ANK3: variants seen among roughly 807,000 people sequenced by gnomAD.
ANK3 encodes ankyrin 3.
A neutral mutation model predicts 370.9 loss-of-function variants in ANK3; 57 were observed. The observed-to-expected ratio is 0.15, with a 90% confidence interval of 0.12 to 0.19. ANK3 has a LOEUF of 0.19. Among genes scored for constraint, ANK3 ranks in the 10% least tolerant of loss-of-function variants. The pLI is 1.00. For missense variants in ANK3, 4,439 were observed against 5,302.1 expected (o/e 0.84, Z 5.06); for synonymous variants, 1,929 against 1,946.3 (o/e 0.99, Z 0.23).
chr10:60,644,906 G>T lies in ANK3; in HGVS notation c.58-29682C>A, dbSNP rs1203951188. Among the ~76,000 whole-genome samples, 4 of 42,316 alleles carry T rather than the reference G, an allele frequency of 9.5e-5. No individual in the cohort carries two copies. In the Middle Eastern group the frequency reaches 0.037, roughly 397 times the overall value. The allele number at this position is 42,316 out of a possible 152,430, so 27.8% of individuals were successfully genotyped here. A position where few individuals can be genotyped will look rare whatever the true frequency, so the allele number is the denominator to read the frequency against. On this transcript the variant is annotated intron_variant, in intron 1 of 43. Transcript: ENST00000373827. Reference sequence around the variant, plus strand: ...GTTTTAGTTTAAAAAAAAAAAAAACGATGAGTCATTGCTGCTCTTCCCTGA... The same window carrying T: ...GTTTTAGTTTAAAAAAAAAAAAAACTATGAGTCATTGCTGCTCTTCCCTGA...
intron 2 of ANK3, among the ~76,000 whole-genome samples, chr10:60,446,780 T>C (rs1227554967): frequency 1.1e-4 from 16 of 152,128 alleles, no homozygotes; most frequent in Admixed American, 1.0e-3. Flanking sequence ...TATTTTTATA[T>C]TATCAAGACA....
intron 2 of ANK3, among the ~76,000 whole-genome samples, chr10:60,449,293 C>G (rs1211809067): frequency 6.6e-6 from 1 of 152,038 alleles, no homozygotes; most frequent in Non-Finnish European, 1.5e-5. Flanking sequence ...CCCGATATAT[C>G]CAAATCATTA....
chr10:60,618,130 GC>G (rs1353374082), intron 1 of ANK3, among the ~76,000 whole-genome samples: 2 of 152,212 alleles, frequency 1.3e-5, no homozygotes, highest in African/African-American at 4.8e-5. Flanking sequence ...AAGTCATGCA[GC>G]CAGTACATGG....
At chr10:60,079,995 G>T (rs1275691519) in intron 36 of ANK3, among the ~76,000 whole-genome samples, 1 of 152,090 alleles carries the variant, frequency 6.6e-6, no homozygotes, top group African/African-American at 2.4e-5. Flanking sequence ...ATAAAGGACA[G>T]GAGGAGAGGA....
At position 60,446,354 on chromosome 10, in the gene ANK3, C is replaced by T. The variant is rs140689794; in HGVS notation, c.97-166715G>A. Among the ~76,000 whole-genome samples, 573 of 152,272 alleles carry T rather than the reference C, an allele frequency of 3.8e-3. 1 individual carries two copies. The highest frequency in any genetic ancestry group is 0.013 in the African/African-American group (552 of 41,540). On this transcript the variant is annotated intron_variant, in intron 2 of 43. Transcript: ENST00000373827. ...TATGCCCTGCAAATTTACTCTTCTC[C>T]AAGCCTATGCACCCTGACCAGGGAT...
intron 1 of ANK3, among the ~76,000 whole-genome samples, chr10:60,360,583 C>G (rs1167541212): frequency 6.6e-6 from 1 of 152,058 alleles, no homozygotes; most frequent in Non-Finnish European, 1.5e-5. Context: ...GTGGTATGCA[C>G]CTGTAGTTCC....
intron 2 of ANK3, among the ~76,000 whole-genome samples, chr10:60,563,942 A>G (rs1393622464): frequency 6.6e-6 from 1 of 152,212 alleles, no homozygotes; most frequent in Non-Finnish European, 1.5e-5. Flanking sequence ...GTAATATCCC[A>G]GGTTCATCCA....
At chr10:60,332,523 A>C (rs1593946852) in intron 1 of ANK3, among the ~76,000 whole-genome samples, 1 of 152,272 alleles carries the variant, frequency 6.6e-6, no homozygotes. Flanking sequence ...ACCCCTTTGT[A>C]GTCACCTCCC....
intron 2 of ANK3, among the ~76,000 whole-genome samples, chr10:60,524,078 A>C (rs1230082717): frequency 6.6e-6 from 1 of 151,984 alleles, no homozygotes; most frequent in East Asian, 1.9e-4. Flanking sequence ...CCACTTACTC[A>C]TTCCACCACT....
At chr10:60,264,191 T>G (rs1229101085) in intron 5 of ANK3, among the ~76,000 whole-genome samples, 171 bp from the exon 6 acceptor site, 1 of 152,096 alleles carries the variant, frequency 6.6e-6, no homozygotes, top group East Asian at 1.9e-4. Flanking sequence ...CAAAAAAAAT[T>G]TATCTATACA....
intron 16 of ANK3, among the ~76,000 whole-genome samples, chr10:60,191,398 C>T (rs2096477913): frequency 1.3e-5 from 2 of 150,942 alleles, no homozygotes; most frequent in Admixed American, 1.3e-4. Context: ...AAAAAAAAAT[C>T]CATTAAAAAG....
At chr10:60,341,072 C>G (rs2054180067) in intron 1 of ANK3, among the ~76,000 whole-genome samples, 1 of 152,158 alleles carries the variant, frequency 6.6e-6, no homozygotes, top group African/African-American at 2.4e-5. Context: ...AGAGTCTGCT[C>G]AAAGCCACTG....
chr10:60,198,279 G>A lies in ANK3; in HGVS notation c.1689+61C>T, dbSNP rs762394704. ...AGCTTCTGGACCTGTTACTATGCGG[G>A]GAAACGTAAGGAAGATGTATTTGGG... On this transcript the variant is annotated intron_variant, in intron 14 of 43. Transcript: ENST00000280772. The A allele has an allele frequency of 2.8e-5, 44 of 1,550,464 alleles. 1 individual carries two copies. Among genetic ancestry groups the A allele is most frequent in the South Asian group, 1.8e-4 (16 of 88,636 alleles).
Position 60,075,749 on chromosome 10 carries a change from G to A in ANK3, c.5132C>T (p.Ala1711Val). The A allele has an allele frequency of 4.3e-6, 7 of 1,614,098 alleles. No homozygotes were observed. The highest frequency in any genetic ancestry group is 5.9e-6 in the Non-Finnish European group (7 of 1,179,984). ...SSPVKQMPGHAEVALVNGSIS... is the reference protein window; with the variant it reads ...SSPVKQMPGHVEVALVNGSIS... ...AGATCCATTGACTAATGCTACCTCT[G>A]CATGTCCAGGCATCTGCTTCACAGG... Residue 1711 changes from alanine to valine, a missense_variant, in exon 37 of 44, where the codon GCA becomes GTA. Ala to Val is a moderately conservative substitution (Grantham distance 64). Transcript: ENST00000280772.
intron 38 of ANK3, among the ~76,000 whole-genome samples, chr10:60,067,065 A>G (rs1485074568): frequency 6.6e-6 from 1 of 152,112 alleles, no homozygotes; most frequent in African/African-American, 2.4e-5. Flanking sequence ...GACGACAGGC[A>G]TGCACCACCA....
chr10:60,120,887 C>T (rs1462285799), intron 25 of ANK3, among the ~76,000 whole-genome samples: 4 of 152,094 alleles, frequency 2.6e-5, no homozygotes, highest in Non-Finnish European at 4.4e-5. Flanking sequence ...GTAACCACCA[C>T]AGAGAGCAGT....
chr10:60,693,026 C>A (rs1433067725), intron 1 of ANK3, among the ~76,000 whole-genome samples: 2 of 152,156 alleles, frequency 1.3e-5, no homozygotes, highest in Non-Finnish European at 2.9e-5. Context: ...AGACAGTGGG[C>A]GCAGGTCAGT....
At chr10:60,328,305 A>C (rs1336746748) in intron 1 of ANK3, among the ~76,000 whole-genome samples, 1 of 152,240 alleles carries the variant, frequency 6.6e-6, no homozygotes, top group Non-Finnish European at 1.5e-5. Context: ...TGGCAGTTTT[A>C]GATGGTCAAA....
chr10:60,080,074 G>A (rs993053408), intron 36 of ANK3, among the ~76,000 whole-genome samples: 2 of 152,086 alleles, frequency 1.3e-5, no homozygotes, highest in Non-Finnish European at 2.9e-5. Flanking sequence ...GTAAGGAAAC[G>A]TGATTCTTGC....
Sources: gnomAD v4.1 joint callset for allele counts (sites outside exome capture counted in the v4.1 genomes callset) on GRCh38, gnomAD v4.1.1 for gene constraint, MANE v1.5 for transcripts, NCBI Gene and HGNC (gene_info 2026-07-23, HGNC 2026-07-21) for gene names.